LRP2: variants seen among roughly 807,000 people sequenced by gnomAD.
LRP2 encodes the protein low-density lipoprotein receptor-related protein 2.
LRP2 carries 172 observed loss-of-function variants against 531.0 expected under a neutral mutation model. The ratio of observed to expected loss-of-function variants is 0.32; its 90% CI spans 0.29 to 0.37. LRP2 has a LOEUF of 0.37. Ranked by LOEUF, LRP2 falls within the 10% of genes least tolerant of loss-of-function variation. LRP2 has a pLI of 1.00. For synonymous variants in LRP2, 1,992 were observed against 2,027.6 expected (o/e 0.98, Z 0.47); for missense variants, 5,167 against 5,868.3 (o/e 0.88, Z 3.90).
chr2:169,327,760 G>A (rs1317436066), intron 1 of LRP2, among the ~76,000 whole-genome samples: 1 of 128,884 alleles, frequency 7.8e-6, no homozygotes, highest in African/African-American at 3.0e-5. Flanking sequence ...GGAGGTGGGG[G>A]GGTCAGCCCC....
intron 33 of LRP2, among the ~76,000 whole-genome samples, chr2:169,224,986 G>A (rs1454547058): frequency 6.6e-6 from 1 of 152,032 alleles, no homozygotes; most frequent in East Asian, 1.9e-4. Context: ...AGCTACTCGG[G>A]TGGCTGAGAC....
chr2:169,164,990 A>G lies in LRP2; in HGVS notation c.11758+942T>C, dbSNP rs376775330. 3.3e-5 allele frequency among the ~76,000 whole-genome samples: 5 copies of G among 152,366 alleles called. 1 individual carries two copies. The highest frequency in any genetic ancestry group is 1.5e-5 in the Non-Finnish European group (1 of 68,046). ...CTTTTGCGCTATGCCTCAAATAAAC[A>G]TATTAATGCTATAATGTATTAATGC... On this transcript the variant is annotated intron_variant, in intron 62 of 78. Coordinates refer to ENST00000649046, the MANE Select transcript of LRP2 (RefSeq NM_004525.3).
At chr2:169,338,003 A>G (rs983955951) in intron 1 of LRP2, among the ~76,000 whole-genome samples, 4 of 152,064 alleles carry the variant, frequency 2.6e-5, no homozygotes, top group African/African-American at 9.7e-5. Context: ...GCTATTCAGG[A>G]GGCTGAGGTG....
intron 34 of LRP2, 108 bp from the exon 35 acceptor site, chr2:169,216,538 G>A: frequency 9.4e-7 from 1 of 1,062,586 alleles, no homozygotes; most frequent in South Asian, 1.4e-5. Context: ...ACAATACAAT[G>A]GGCAAAGGCT....
Position 169,156,269 on chromosome 2 carries a change from C to T in LRP2, c.12151+5G>A. 1 of 1,613,580 alleles carries T rather than the reference C, an allele frequency of 6.2e-7. No individual in the cohort carries two copies. The highest frequency in any genetic ancestry group is 8.5e-7 in the Non-Finnish European group (1 of 1,179,592). ...TCAATTAATCCCAACATGAACCCAT[C>T]ATACCCTCAGCTGCACATCGTTTTC... On this transcript the variant is annotated splice_donor_5th_base_variant and intron_variant, in intron 65 of 78. Transcript: ENST00000649046.
At chr2:169,189,997 G>A (rs752850137) in intron 48 of LRP2, among the ~76,000 whole-genome samples, 10 of 152,142 alleles carry the variant, frequency 6.6e-5, no homozygotes, top group Non-Finnish European at 1.3e-4. Context: ...CAGAATGGGA[G>A]GAATAAAGGA....
intron 37 of LRP2, 99 bp from the exon 38 acceptor site, chr2:169,209,740 T>G: frequency 1.8e-6 from 2 of 1,094,396 alleles, no homozygotes; most frequent in Non-Finnish European, 1.4e-6. Flanking sequence ...AACCCCCTGC[T>G]CTGAGCATCT....
intron 4 of LRP2, among the ~76,000 whole-genome samples, chr2:169,301,293 A>T (rs1684278925): frequency 2.6e-5 from 4 of 152,058 alleles, no homozygotes; most frequent in Non-Finnish European, 5.9e-5. Flanking sequence ...ATGACCTATA[A>T]TTGCTGCATT....
intron 3 of LRP2, among the ~76,000 whole-genome samples, chr2:169,308,410 C>T (rs951003918): frequency 1.3e-5 from 2 of 152,078 alleles, no homozygotes; most frequent in Non-Finnish European, 2.9e-5. Context: ...TTGTGATGTT[C>T]CCCATCCTGT....
Position 169,242,989 on chromosome 2 carries a change from C to G in LRP2, c.3634G>C (p.Asp1212His), listed in dbSNP as rs988659649. ...GCTTCATCCGAGTTGTCACTGCAAT[C>G]AAAAACACCATCACAACGATTTGTG... ...GVTNRCDGVF[D>H]CSDNSDEAGC... The change falls in exon 24 of 79, where the codon GAT becomes CAT. Residue 1212 changes from aspartate to histidine, a missense_variant. Asp to His is a moderately conservative substitution (Grantham distance 81). This residue lies in a region of LRP2 where 2,811 missense variants were observed against 3,058.0 expected (regional missense o/e 0.92). Coordinates refer to ENST00000649046, the MANE Select transcript of LRP2 (RefSeq NM_004525.3). 1.2e-6 allele frequency: 2 copies of G among 1,613,902 alleles called. No individual in the cohort carries two copies. The highest frequency in any genetic ancestry group is 1.7e-6 in the Non-Finnish European group (2 of 1,179,852).
rs79604197 is a variant in LRP2, at chr2:169,318,531, T to G, written c.310+231A>C. ...GCATAACATAATCAAAATTAAAGAT[T>G]GGGAACCTATCTCACTTCCAAATTG... On this transcript the variant is annotated intron_variant, in intron 3 of 78. Transcript: ENST00000649046. 0.06 allele frequency among the ~76,000 whole-genome samples: 9,079 copies of G among 152,306 alleles called. 381 individuals are homozygous for G. Among genetic ancestry groups the G allele is most frequent in the Non-Finnish European group, 0.088 (6,011 of 68,026 alleles).
intron 1 of LRP2, among the ~76,000 whole-genome samples, chr2:169,351,737 C>A (rs1266678160): frequency 6.6e-6 from 1 of 152,118 alleles, no homozygotes; most frequent in African/African-American, 2.4e-5. Context: ...GAATGTCAAG[C>A]GAGGCTAGTC....
chr2:169,144,276 C>A (rs886561102), intron 70 of LRP2, among the ~76,000 whole-genome samples: 6 of 152,180 alleles, frequency 3.9e-5, no homozygotes, highest in Non-Finnish European at 5.9e-5. Flanking sequence ...ATGGGGCCCA[C>A]GAATCTATAT....
At chr2:169,356,941 T>C (rs897992513) in intron 1 of LRP2, among the ~76,000 whole-genome samples, 1 of 152,220 alleles carries the variant, frequency 6.6e-6, no homozygotes, top group African/African-American at 2.4e-5. Context: ...GTTCTCATCT[T>C]CCTTAATGTT....
chr2:169,195,764 T>C (rs1687983539), intron 46 of LRP2, among the ~76,000 whole-genome samples: 1 of 152,202 alleles, frequency 6.6e-6, no homozygotes, highest in South Asian at 2.1e-4. Flanking sequence ...CTATGTGCCC[T>C]TTGCTTTCTA....
At chr2:169,257,825 CAA>C (rs74268259) in intron 17 of LRP2, among the ~76,000 whole-genome samples, 49,655 of 132,206 alleles carry the variant, frequency 0.38, 8,817 homozygotes, top group South Asian at 0.57. Context: ...AAAACAAAAA[CAA>C]AAAAAAAAAA....
At chr2:169,160,435 C>T (rs1212754781) in intron 63 of LRP2, among the ~76,000 whole-genome samples, 2 of 150,874 alleles carry the variant, frequency 1.3e-5, no homozygotes, top group Non-Finnish European at 2.9e-5. Context: ...TTCAGTGATG[C>T]TTTTGGAGAA....
chr2:169,275,596 G>T (rs141313812), intron 13 of LRP2, among the ~76,000 whole-genome samples: 7 of 152,260 alleles, frequency 4.6e-5, no homozygotes, highest in African/African-American at 1.4e-4. Context: ...TACCATAAGT[G>T]AAAGAGTATA....
chr2:169,238,995 G>A (rs922640507), intron 26 of LRP2, among the ~76,000 whole-genome samples: 2 of 152,220 alleles, frequency 1.3e-5, no homozygotes, highest in African/African-American at 2.4e-5. Context: ...AACCCTTGAT[G>A]TAAGCCACAT....
Sources: allele counts gnomAD v4.1 joint callset (sites outside exome capture counted in the v4.1 genomes callset), GRCh38; gene constraint gnomAD v4.1.1; regional missense constraint gnomAD v4.1.1; transcripts MANE v1.5; gene names NCBI Gene and HGNC (gene_info 2026-07-23, HGNC 2026-07-21).